The following DRC11 variants were observed in gnomAD, a reference collection of about 807,000 sequenced individuals.
DRC11 encodes the protein dynein regulatory complex subunit 11, also known as IQ and AAA domain-containing protein 1.
the DRC11 span, among the ~76,000 whole-genome samples, chr2:236,329,430 C>T: frequency 2.6e-5 from 4 of 152,178 alleles, no homozygotes; most frequent in Admixed American, 6.5e-5. Context: ...GCAGTCAATA[C>T]GTATTAGCTA....
At chr2:236,324,141 A>G in the DRC11 span, 1 of 152,390 alleles carries the variant, frequency 6.6e-6, no homozygotes, top group East Asian at 1.9e-4. This position sits in a 1 kb window ranked among gnomAD's most constrained non-coding sequence, Gnocchi z 5.7. Context: ...CAACCAAATT[A>G]CCGAGTCAGT....
the DRC11 span, among the ~76,000 whole-genome samples, chr2:236,373,526 C>T: frequency 2.6e-5 from 4 of 152,214 alleles, no homozygotes; most frequent in Admixed American, 6.5e-5. Flanking sequence ...GCTGGAACTA[C>T]AGGCATGAAC....
At chr2:236,409,125 G>A in the DRC11 span, 1 of 383,656 alleles carries the variant, frequency 2.6e-6, no homozygotes, top group Non-Finnish European at 4.8e-6. Context: ...TTCTTTTTTT[G>A]AGACAGAGTC....
At chr2:236,492,945 C>G in the DRC11 span, among the ~76,000 whole-genome samples, 2 of 152,234 alleles carry the variant, frequency 1.3e-5, no homozygotes, top group Non-Finnish European at 2.9e-5. Context: ...ATGGATTATT[C>G]TTCCCCCAAT....
the DRC11 span, among the ~76,000 whole-genome samples, chr2:236,413,680 C>T: frequency 6.6e-6 from 1 of 152,184 alleles, no homozygotes; most frequent in Non-Finnish European, 1.5e-5. The surrounding 1 kb of genome is among the most constrained non-coding windows in gnomAD (Gnocchi z 4.0). Flanking sequence ...GTCCAAGGGT[C>T]TTTCCAGAAG....
the DRC11 span, among the ~76,000 whole-genome samples, chr2:236,317,294 CG>C: frequency 8.8e-5 from 13 of 147,612 alleles, no homozygotes; most frequent in Non-Finnish European, 1.2e-4. The surrounding 1 kb of genome is among the most constrained non-coding windows in gnomAD (Gnocchi z 5.4). Context: ...GATTCCATAT[CG>C]GGGGAAAAAA....
the DRC11 span, among the ~76,000 whole-genome samples, chr2:236,450,353 T>C: frequency 1.4e-5 from 2 of 139,820 alleles, no homozygotes; most frequent in Non-Finnish European, 3.1e-5. Flanking sequence ...GGGGTCTCGC[T>C]CTGTTGCCCA....
the DRC11 span, among the ~76,000 whole-genome samples, chr2:236,417,559 CTT>C: frequency 1.4e-5 from 2 of 144,666 alleles, no homozygotes; most frequent in South Asian, 2.2e-4. Flanking sequence ...GGATCATGAT[CTT>C]TTTTTTTTTT....
the DRC11 span, among the ~76,000 whole-genome samples, chr2:236,428,606 C>T: frequency 5.3e-5 from 8 of 152,188 alleles, no homozygotes; most frequent in East Asian, 1.5e-3. Context: ...TATCCCTTCA[C>T]CTTCATTCTA....
the DRC11 span, among the ~76,000 whole-genome samples, chr2:236,358,402 TATA>T: frequency 5.7e-5 from 8 of 141,342 alleles, no homozygotes; most frequent in East Asian, 6.1e-4. Flanking sequence ...GAATATCATA[TATA>T]AATATATATG....
At chr2:236,459,546 C>CGTATATATGT in the DRC11 span, among the ~76,000 whole-genome samples, 56 of 118,128 alleles carry the variant, frequency 4.7e-4, no homozygotes, top group Admixed American at 7.0e-4. Flanking sequence ...TATACGTATA[C>CGTATATATGT]GTATACATGT....
chr2:236,492,401 G>A, the DRC11 span, among the ~76,000 whole-genome samples: 1 of 152,202 alleles, frequency 6.6e-6, no homozygotes, highest in Non-Finnish European at 1.5e-5. Context: ...CCTCTCTTCT[G>A]AGGCAGGCAC....
the DRC11 span, among the ~76,000 whole-genome samples, chr2:236,325,154 G>A: frequency 1.3e-5 from 2 of 152,082 alleles, no homozygotes; most frequent in Non-Finnish European, 2.9e-5. This position sits in a 1 kb window ranked among gnomAD's most constrained non-coding sequence, Gnocchi z 4.4. Context: ...AACAATGGGC[G>A]GCCATTCAAC....
the DRC11 span, among the ~76,000 whole-genome samples, chr2:236,357,528 T>A: frequency 7.8e-3 from 997 of 127,138 alleles, 72 homozygotes; most frequent in Admixed American, 0.077. Flanking sequence ...ATTTATATAT[T>A]ATGAATATAA....
the DRC11 span, among the ~76,000 whole-genome samples, chr2:236,385,247 T>C: frequency 2.3e-4 from 35 of 149,142 alleles, no homozygotes; most frequent in African/African-American, 7.7e-4. Context: ...TAAATTACCT[T>C]GGGCAGTATG....
At chr2:236,321,407 T>A in the DRC11 span, among the ~76,000 whole-genome samples, 1 of 152,218 alleles carries the variant, frequency 6.6e-6, no homozygotes, top group African/African-American at 2.4e-5. Context: ...TAGAACAGTA[T>A]ATATGTTCTA....
the DRC11 span, among the ~76,000 whole-genome samples, chr2:236,354,990 G>T: frequency 6.6e-6 from 1 of 152,208 alleles, no homozygotes; most frequent in Non-Finnish European, 1.5e-5. Context: ...CCTTTCTTTT[G>T]TGTTCTTTTT....
At chr2:236,352,517 T>C in the DRC11 span, among the ~76,000 whole-genome samples, 1 of 152,152 alleles carries the variant, frequency 6.6e-6, no homozygotes, top group Non-Finnish European at 1.5e-5. The surrounding 1 kb of genome is among the most constrained non-coding windows in gnomAD (Gnocchi z 7.0). Flanking sequence ...CAAGAAATGT[T>C]GGCAGGCGCA....
the DRC11 span, among the ~76,000 whole-genome samples, chr2:236,345,222 C>T: frequency 4.6e-5 from 7 of 152,240 alleles, no homozygotes; most frequent in Non-Finnish European, 7.4e-5. Flanking sequence ...TCTCCCCGTG[C>T]GGCTCATCAG....
Sources: gnomAD v4.1 joint callset for allele counts (sites outside exome capture counted in the v4.1 genomes callset) on GRCh38, gnomAD v4.1.1 for gene constraint, Gnocchi (gnomAD v3.1) non-coding constraint, MANE v1.5 for transcripts, NCBI Gene and HGNC (gene_info 2026-07-23, HGNC 2026-07-21) for gene names.